MAGEE1: variants seen among roughly 807,000 people sequenced by gnomAD.
The protein encoded by MAGEE1 is melanoma-associated antigen E1.
In MAGEE1, 3 loss-of-function variants were observed where a neutral mutation model predicts 12.0. The observed-to-expected ratio is 0.25, with a 90% CI of 0.11 to 0.65. The LOEUF (loss-of-function observed/expected upper bound fraction) is 0.65. MAGEE1 is among the 30% of genes least tolerant of loss of function. The pLI is 0.84. For missense variants in MAGEE1, 729 were observed against 772.2 expected (o/e 0.94, Z 0.66); for synonymous variants, 414 against 326.1 (o/e 1.27, Z -2.91).
At position 76,430,132 on chromosome X, in the gene MAGEE1, A is replaced by C. The variant is rs782314714; in HGVS notation, c.2202A>C (p.Lys734Asn). ...PDSEVSSYSS[K>N]YAPHSWPESR... ...CAGAGGTTTCCAGCTATTCCTCAAA[A>C]TATGCCCCACATTCATGGCCTGAGT... The change falls in exon 1 of 1, where the codon AAA becomes AAC. Residue 734 changes from lysine to asparagine, a missense_variant. Physicochemically the swap from Lys to Asn is moderately conservative, Grantham distance 94. This residue lies in a region of MAGEE1 where 64 missense variants were observed against 53.4 expected (regional missense o/e 1.20). Coordinates refer to ENST00000361470, the MANE Select transcript of MAGEE1 (RefSeq NM_020932.3). 4 of 1,211,832 alleles carry C rather than the reference A, an allele frequency of 3.3e-6. No homozygotes were observed. In the East Asian group the frequency reaches 1.2e-4, roughly 36 times the overall value.
rs1040598928 is a variant in MAGEE1 at position 76,427,712 on chromosome X, A to G, written c.-219A>G. The G allele has an allele frequency of 4.7e-6, 2 of 426,366 alleles. No homozygotes were observed. Among genetic ancestry groups the G allele is most frequent in the African/African-American group, 4.9e-5 (2 of 41,046 alleles). 35.1% of individuals were successfully genotyped at this position (426,366 alleles called of 1,213,427 possible). On this transcript the variant is annotated 5_prime_UTR_variant, in exon 1 of 1. Transcript: ENST00000361470. Reference sequence around the variant, plus strand: ...GGGCGGGGTGTGAGAAGCAGAGTACAGTGAGACTAGCATTCACTGCTGGCC... The same window carrying G: ...GGGCGGGGTGTGAGAAGCAGAGTACGGTGAGACTAGCATTCACTGCTGGCC...
rs782691793 is a variant in MAGEE1, at chrX:76,428,701, C to A, written c.771C>A (p.Ser257Arg). 6 of 1,210,058 alleles carry A rather than the reference C, an allele frequency of 5.0e-6. No homozygotes were observed. Among genetic ancestry groups the A allele is most frequent in the East Asian group, 5.9e-5 (2 of 33,808 alleles). ...PVPPTRDEGPSTSVPATPGEG... is the reference protein window; with the variant it reads ...PVPPTRDEGPRTSVPATPGEG... ...CACCCACCCGTGATGAGGGACCGAG[C>A]ACCTCCGTGCCGGCCACTCCTGGTG... Residue 257 changes from serine to arginine, a missense_variant, in exon 1 of 1, where the codon AGC (serine) becomes AGA (arginine). Physicochemically the swap from Ser to Arg is moderately radical, Grantham distance 110 (BLOSUM62 -1). Transcript: ENST00000361470.
Position 76,428,746 on chromosome X carries a change from G to T in MAGEE1, c.816G>T (p.Val272=). The T allele has an allele frequency of 4.1e-6, 5 of 1,209,969 alleles. No homozygotes were observed. The highest frequency in any genetic ancestry group is 4.5e-6 in the Non-Finnish European group (4 of 895,063). Residue 272 remains valine, a synonymous_variant, in exon 1 of 1, where the codon GTG becomes GTT. Transcript: ENST00000361470. ...ATPGEGPSTS[V]LPAASDGQSI... ...CTGGTGAGGGACCGAGCACCTCCGT[G>T]CTGCCCGCCGCCTCTGACGGACAAA...
rs1252706147 is a variant in MAGEE1 at position 76,430,620 on chromosome X, A to T, written c.2690A>T (p.Tyr897Phe). 2 of 1,211,513 alleles carry T rather than the reference A, an allele frequency of 1.7e-6. No individual in the cohort carries two copies. The highest frequency in any genetic ancestry group is 2.2e-6 in the Non-Finnish European group (2 of 895,494). Residue 897 changes from tyrosine (Y) to phenylalanine (F), a missense_variant, in exon 1 of 1, where the codon TAT becomes TTT. Tyr to Phe is a conservative substitution (Grantham distance 22, BLOSUM62 3). Coordinates refer to ENST00000361470, the MANE Select transcript of MAGEE1 (RefSeq NM_020932.3). ...LRVPDSDPVQ[Y>F]EFVWGPRARL... Reference sequence around the variant, plus strand: ...GTTCCTGACAGTGATCCAGTGCAATATGAGTTTGTATGGGGTCCTAGAGCC... The same window carrying T: ...GTTCCTGACAGTGATCCAGTGCAATTTGAGTTTGTATGGGGTCCTAGAGCC...
At position 76,429,315 on chromosome X, in the gene MAGEE1, T is replaced by A. The variant is rs1923322634; in HGVS notation, c.1385T>A (p.Leu462Gln). Residue 462 changes from leucine (L) to glutamine (Q), a missense_variant, in exon 1 of 1, where the codon CTG becomes CAG. This residue lies in a region of MAGEE1 where 473 missense variants were observed against 423.7 expected (regional missense o/e 1.12). Transcript: ENST00000361470. ...GAEGPIEFEV[L>Q]RDCESPNSIS... The stretch of plus-strand genomic sequence containing the variant: ...GAAGGCCCTATAGAATTCGAGGTCC[T>A]GAGAGACTGTGAGAGCCCCAACTCC... 5 of 1,210,810 alleles carry A rather than the reference T, an allele frequency of 4.1e-6. No individual in the cohort carries two copies. The highest frequency in any genetic ancestry group is 2.3e-4 in the Middle Eastern group (1 of 4,354).
rs1826805898 is a variant in MAGEE1 at position 76,428,156 on chromosome X, C to T, written c.226C>T (p.Pro76Ser). The T allele has an allele frequency of 8.3e-7, 1 of 1,204,192 alleles. No homozygotes were observed. Among genetic ancestry groups the T allele is most frequent in the South Asian group, 1.8e-5 (1 of 55,855 alleles). ...TSVLPTSAEG[P>S]STFVPPTISE... ...CGTTCTGCCCACCTCCGCTGAGGGC[C>T]CAAGCACCTTTGTGCCGCCCACCAT... The change falls in exon 1 of 1, where the codon CCA (proline) becomes TCA (serine). Residue 76 changes from proline (P) to serine (S), a missense_variant. By Grantham distance (74) the Pro-to-Ser change is moderately conservative (BLOSUM62 -1). Transcript: ENST00000361470.
At position 76,427,905 on chromosome X, in the gene MAGEE1, A is replaced by C. The variant is rs1463737171; in HGVS notation, c.-26A>C. The C allele has an allele frequency of 5.1e-6, 6 of 1,170,933 alleles. No individual in the cohort carries two copies. Among genetic ancestry groups the C allele is most frequent in the Non-Finnish European group, 6.9e-6 (6 of 875,090 alleles). ...CGCGGGCCTGTCGGTGTCTGCTCCT[A>C]CACGCCAACGCCGGTGGGCAGGACC... On this transcript the variant is annotated 5_prime_UTR_variant, in exon 1 of 1. Coordinates refer to ENST00000361470, the MANE Select transcript of MAGEE1 (RefSeq NM_020932.3).
In MAGEE1 at chrX:76,429,982, A is replaced by C. The variant is rs1358285442; in HGVS notation, c.2052A>C (p.Pro684=). 8.3e-7 allele frequency: 1 copy of C among 1,208,772 alleles called. No homozygotes were observed. The highest frequency in any genetic ancestry group is 1.1e-6 in the Non-Finnish European group (1 of 894,685). ...KIYNKDPMDW[P]EKYNEALEED... ...ATAACAAAGATCCTATGGATTGGCC[A>C]GAGAAATACAACGAAGCTCTGGAAG... The change falls in exon 1 of 1, where the codon CCA becomes CCC. Residue 684 remains proline (P), a synonymous_variant. Transcript: ENST00000361470.
chrX:76,428,610 C>T lies in MAGEE1; in HGVS notation c.680C>T (p.Thr227Ile). The T allele has an allele frequency of 8.3e-7, 1 of 1,209,472 alleles. No individual in the cohort carries two copies. Among genetic ancestry groups the T allele is most frequent in the Admixed American group, 2.2e-5 (1 of 45,944 alleles). Residue 227 changes from threonine to isoleucine, a missense_variant, in exon 1 of 1, where the codon ACT becomes ATT. Thr to Ile is a moderately conservative substitution (Grantham distance 89, BLOSUM62 -1). Transcript: ENST00000361470. ...TEGLSTSVQA[T>I]PDEGPSTSVP... ...GGCCTGAGCACCTCCGTGCAGGCCA[C>T]TCCTGATGAGGGACCGAGCACCTCC... is the stretch of plus-strand genomic sequence containing the variant.
chrX:76,429,031 T>A lies in MAGEE1; in HGVS notation c.1101T>A (p.Ser367=). 3 of 1,204,913 alleles carry A rather than the reference T, an allele frequency of 2.5e-6. No homozygotes were observed. In the East Asian group the frequency reaches 9.0e-5, roughly 36 times the overall value. ...LPIPGEGLST[S]VPPTASDGSD... ...TCCCCGGTGAGGGACTGAGCACCTC[T>A]GTGCCGCCCACCGCCTCTGATGGAT... The change falls in exon 1 of 1, where the codon TCT becomes TCA. Residue 367 remains serine (S), a synonymous_variant. Coordinates refer to ENST00000361470, the MANE Select transcript of MAGEE1 (RefSeq NM_020932.3).
Position 76,428,944 on chromosome X carries a change from G to A in MAGEE1, c.1014G>A (p.Glu338=). 1 of 1,208,153 alleles carries A rather than the reference G, an allele frequency of 8.3e-7. No individual in the cohort carries two copies. Among genetic ancestry groups the A allele is most frequent in the Non-Finnish European group, 1.1e-6 (1 of 894,561 alleles). The change falls in exon 1 of 1, where the codon GAG becomes GAA. Residue 338 remains glutamate, a synonymous_variant. Transcript: ENST00000361470. The part of the protein sequence containing the change: ...LSTSVPPTAT[E]ELSTSVPPTP... ...CCTCCGTGCCGCCCACCGCCACTGA[G>A]GAGTTGAGCACCTCCGTGCCGCCCA...
rs1923288462 is a variant in MAGEE1, at chrX:76,428,636, G to C, written c.706G>C (p.Val236Leu). ...ATPDEGPSTS[V>L]PPTATEGLST... is the part of the protein sequence containing the mutation. ...TCCTGATGAGGGACCGAGCACCTCC[G>C]TGCCGCCCACCGCCACTGAGGGCCT... The change falls in exon 1 of 1, where the codon GTG becomes CTG. Residue 236 changes from valine to leucine, a missense_variant. Around this residue, in one of 4 missense-constraint regions of MAGEE1, gnomAD observed 473 missense variants for 423.7 expected, o/e 1.12. Coordinates refer to ENST00000361470, the MANE Select transcript of MAGEE1 (RefSeq NM_020932.3). The C allele has an allele frequency of 1.7e-6, 2 of 1,206,649 alleles. No individual in the cohort carries two copies. The highest frequency in any genetic ancestry group is 1.1e-6 in the Non-Finnish European group (1 of 893,236).
Position 76,428,904 on chromosome X carries a change from G to A in MAGEE1, c.974G>A (p.Gly325Asp). ...AGCACCTCCGTGCCGCCCACCCCTG[G>A]TGGGGGACTGAGCACCTCCGTGCCG... The part of the protein sequence containing the change: ...GSSTSVPPTP[G>D]GGLSTSVPPT... The change falls in exon 1 of 1, where the codon GGT becomes GAT. Residue 325 changes from glycine (G) to aspartate (D), a missense_variant. Gly to Asp is a moderately conservative substitution (Grantham distance 94, BLOSUM62 -1). Around this residue, in one of 4 missense-constraint regions of MAGEE1, gnomAD observed 473 missense variants for 423.7 expected, o/e 1.12. Transcript: ENST00000361470. The A allele has an allele frequency of 1.7e-6, 2 of 1,202,843 alleles. No homozygotes were observed. Among genetic ancestry groups the A allele is most frequent in the South Asian group, 1.8e-5 (1 of 56,376 alleles).
chrX:76,428,307 C>A lies in MAGEE1; in HGVS notation c.377C>A (p.Thr126Asn). The A allele has an allele frequency of 2.5e-6, 3 of 1,211,271 alleles. No individual in the cohort carries two copies. The highest frequency in any genetic ancestry group is 3.4e-6 in the Non-Finnish European group (3 of 895,333). The change falls in exon 1 of 1, where the codon ACC becomes AAC. Residue 126 changes from threonine (T) to asparagine (N), a missense_variant. Physicochemically the swap from Thr to Asn is moderately conservative, Grantham distance 65. Around this residue, in one of 4 missense-constraint regions of MAGEE1, gnomAD observed 473 missense variants for 423.7 expected, o/e 1.12. Transcript: ENST00000361470. ...CCCACCATCTCTAAGGGGCTGTGCACCTCTGTGACGCTTGCCGCCTCTGAG... is the reference window on the plus strand; with the variant it reads ...CCCACCATCTCTAAGGGGCTGTGCAACTCTGTGACGCTTGCCGCCTCTGAG... ...GPPTISKGLC[T>N]SVTLAASEGR...
chrX:76,428,409 C>G lies in MAGEE1; in HGVS notation c.479C>G (p.Pro160Arg), dbSNP rs782292584. 2.5e-6 allele frequency: 3 copies of G among 1,206,329 alleles called. No homozygotes were observed. The highest frequency in any genetic ancestry group is 1.8e-5 in the South Asian group (1 of 56,791). ...TSVPPTASEV[P>R]STSLPPTPGE... is the part of the protein sequence containing the mutation. ...GTGCCGCCCACCGCCTCTGAGGTAC[C>G]GAGCACCTCCCTGCCGCCCACCCCT... Residue 160 changes from proline to arginine, a missense_variant, in exon 1 of 1, where the codon CCG becomes CGG. Around this residue, in one of 4 missense-constraint regions of MAGEE1, gnomAD observed 473 missense variants for 423.7 expected, o/e 1.12. Transcript: ENST00000361470.
rs1556839020 is a variant in MAGEE1 at position 76,427,811 on chromosome X, C to G, written c.-120C>G. On this transcript the variant is annotated 5_prime_UTR_variant, in exon 1 of 1. Coordinates refer to ENST00000361470, the MANE Select transcript of MAGEE1 (RefSeq NM_020932.3). ...GGAACTTTGGTTCTGGCAGCAGCAG[C>G]AACATCATTACCGCTAGCGGCAGTT... is the stretch of plus-strand genomic sequence containing the variant. The G allele has an allele frequency of 1.6e-5, 13 of 819,303 alleles. No homozygotes were observed. The highest frequency in any genetic ancestry group is 1.7e-6 in the Non-Finnish European group (1 of 572,952). 67.5% of individuals were successfully genotyped at this position (819,303 alleles called of 1,213,427 possible). A position where few individuals can be genotyped will look rare whatever the true frequency, so the allele number is the denominator to read the frequency against.
In MAGEE1 at chrX:76,429,171, C is replaced by T; in HGVS notation, c.1241C>T (p.Thr414Ile). ...CCTAACCCTGGTGAGGGCCCGAGCA[C>T]ATTGTTTAGCTCTAGTGCTTCTGTG... ...VLPNPGEGPS[T>I]LFSSSASVDR... Residue 414 changes from threonine to isoleucine, a missense_variant, in exon 1 of 1, where the codon ACA becomes ATA. Physicochemically the swap from Thr to Ile is moderately conservative, Grantham distance 89. Transcript: ENST00000361470. The T allele has an allele frequency of 8.2e-7, 1 of 1,212,288 alleles. No individual in the cohort carries two copies. The highest frequency in any genetic ancestry group is 2.2e-5 in the Admixed American group (1 of 46,150).
In MAGEE1 at chrX:76,428,818, G is replaced by T. The variant is rs782715077; in HGVS notation, c.888G>T (p.Val296=). ...PTRGKGSSTS[V]PPTATEGLST... is the part of the protein sequence containing the mutation. ...GCGGTAAGGGATCAAGCACCTCCGT[G>T]CCCCCCACCGCCACCGAGGGCCTGA... is the stretch of plus-strand genomic sequence containing the variant. Residue 296 remains valine (V), a synonymous_variant, in exon 1 of 1, where the codon GTG becomes GTT. Transcript: ENST00000361470. 8.3e-7 allele frequency: 1 copy of T among 1,208,778 alleles called. No individual in the cohort carries two copies. Among genetic ancestry groups the T allele is most frequent in the South Asian group, 1.8e-5 (1 of 56,798 alleles).
In MAGEE1 at chrX:76,430,621, T is replaced by A; in HGVS notation, c.2691T>A (p.Tyr897Ter). 8.3e-7 allele frequency: 1 copy of A among 1,211,520 alleles called. No homozygotes were observed. Among genetic ancestry groups the A allele is most frequent in the Non-Finnish European group, 1.1e-6 (1 of 895,497 alleles). Residue 897 changes from tyrosine to a stop codon, truncating the protein, a stop_gained, in exon 1 of 1, where the codon TAT becomes TAA. Transcript: ENST00000361470. LOFTEE classifies it high-confidence loss of function. ...TTCCTGACAGTGATCCAGTGCAATA[T>A]GAGTTTGTATGGGGTCCTAGAGCCC... is the stretch of plus-strand genomic sequence containing the variant. Reference protein sequence around the residue: ...LRVPDSDPVQYEFVWGPRARL... With the variant: ...LRVPDSDPVQ
Sources: allele counts gnomAD v4.1 joint callset, GRCh38; gene constraint gnomAD v4.1.1; regional missense constraint gnomAD v4.1.1; transcripts MANE v1.5; gene names NCBI Gene and HGNC (gene_info 2026-07-23, HGNC 2026-07-21).